KCNIP4: variants seen among roughly 807,000 people sequenced by gnomAD.
KCNIP4 encodes Kv channel-interacting protein 4.
KCNIP4 carries 12 observed loss-of-function variants against 34.0 expected under a neutral mutation model. The ratio of observed to expected loss-of-function variants is 0.35; its 90% CI spans 0.23 to 0.57. The LOEUF is 0.57. KCNIP4 is among the 20% of genes least tolerant of loss of function. The probability of loss-of-function intolerance (pLI) is 0.83; values close to 1 mark genes in which losing one functional copy is unlikely to be tolerated. For missense variants in KCNIP4, 238 were observed against 311.7 expected (o/e 0.76, Z 1.78); for synonymous variants, 124 against 102.2 (o/e 1.21, Z -1.29).
chr4:20,944,808 C>T (rs900431707), intron 1 of KCNIP4, among the ~76,000 whole-genome samples: 5 of 152,202 alleles, frequency 3.3e-5, no homozygotes, highest in Non-Finnish European at 7.3e-5. Flanking sequence ...TATTCACTAA[C>T]TCATATGTAA....
At chr4:21,751,823 A>G (rs1717170010) in intron 1 of KCNIP4, among the ~76,000 whole-genome samples, 1 of 152,182 alleles carries the variant, frequency 6.6e-6, no homozygotes, top group African/African-American at 2.4e-5. Context: ...GAGGATGAGT[A>G]TTAAAACAAC....
intron 1 of KCNIP4, among the ~76,000 whole-genome samples, chr4:21,354,499 T>C (rs1374249414): frequency 6.6e-6 from 1 of 152,170 alleles, no homozygotes; most frequent in Non-Finnish European, 1.5e-5. Context: ...GTTGTAATCC[T>C]AGTCTCTGAT....
At chr4:20,817,661 A>G (rs531444845) in intron 3 of KCNIP4, among the ~76,000 whole-genome samples, 5 of 147,910 alleles carry the variant, frequency 3.4e-5, no homozygotes, top group Non-Finnish European at 1.5e-5. Context: ...CTTGATTACA[A>G]GCTCTTTGAG....
rs190672283 is a variant in KCNIP4 at position 21,651,056 on chromosome 4, G to A, written c.61+297515C>T. On this transcript the variant is annotated intron_variant, in intron 1 of 8. Coordinates refer to ENST00000382152, the MANE Select transcript of KCNIP4 (RefSeq NM_025221.6). ...ACCATAAAGAGCCTTGCCCTTTTAA[G>A]GGCTAGCTTGTGTAGATCAGGCCCA... Among the ~76,000 whole-genome samples, 6 of 152,210 alleles carry A rather than the reference G, an allele frequency of 3.9e-5. No individual in the cohort carries two copies. The East Asian group carries it at 1.2e-3, about 29-fold the overall frequency.
At chr4:21,482,945 A>T (rs1378633734) in intron 1 of KCNIP4, among the ~76,000 whole-genome samples, 1 of 152,048 alleles carries the variant, frequency 6.6e-6, no homozygotes, top group Admixed American at 6.6e-5. Flanking sequence ...TTGTAGGGAC[A>T]TGGATGAAGC....
intron 1 of KCNIP4, among the ~76,000 whole-genome samples, chr4:21,355,047 G>A (rs1445786837): frequency 2.6e-5 from 4 of 151,924 alleles, no homozygotes; most frequent in East Asian, 1.9e-4. Context: ...CCTGAATGAC[G>A]ACTACTGGGT....
chr4:21,681,431 A>G (rs1321805965), intron 1 of KCNIP4, among the ~76,000 whole-genome samples: 4 of 152,148 alleles, frequency 2.6e-5, no homozygotes, highest in Admixed American at 2.6e-4. Context: ...CTACACTGAA[A>G]ATTTGGTTTT....
chr4:21,027,362 T>C (rs955949929), intron 1 of KCNIP4, among the ~76,000 whole-genome samples: 3 of 152,062 alleles, frequency 2.0e-5, no homozygotes, highest in African/African-American at 7.2e-5. Context: ...CTTACTCTCT[T>C]GGGCTTTAAG....
At chr4:21,761,302 A>G (rs1193465013) in intron 1 of KCNIP4, among the ~76,000 whole-genome samples, 1 of 152,108 alleles carries the variant, frequency 6.6e-6, no homozygotes, top group Non-Finnish European at 1.5e-5. Flanking sequence ...GGTGGTTACT[A>G]AGGTGTGATA....
intron 1 of KCNIP4, among the ~76,000 whole-genome samples, chr4:20,901,070 T>C (rs1727106218): frequency 6.6e-6 from 1 of 152,188 alleles, no homozygotes; most frequent in Admixed American, 6.5e-5. Context: ...TATGTAGGCT[T>C]TGAGACATTG....
At chr4:20,756,591 C>T (rs755994762) in intron 4 of KCNIP4, among the ~76,000 whole-genome samples, 4 of 151,860 alleles carry the variant, frequency 2.6e-5, no homozygotes, top group South Asian at 2.1e-4. Flanking sequence ...TATTGGTTGT[C>T]GCTGTTTTCT....
At chr4:20,824,349 G>A (rs1380220546) in intron 3 of KCNIP4, among the ~76,000 whole-genome samples, 2 of 152,108 alleles carry the variant, frequency 1.3e-5, no homozygotes, top group African/African-American at 4.8e-5. Flanking sequence ...ACAAAAATTA[G>A]CCTGGTTTAG....
intron 1 of KCNIP4, among the ~76,000 whole-genome samples, chr4:21,482,353 TATG>T (rs1431166201): frequency 6.6e-5 from 10 of 152,188 alleles, no homozygotes; most frequent in Non-Finnish European, 1.2e-4. Flanking sequence ...ATCCTGTCAT[TATG>T]ATATTAGCAG....
intron 1 of KCNIP4, among the ~76,000 whole-genome samples, chr4:21,496,158 A>C (rs187484120): frequency 6.6e-6 from 1 of 152,346 alleles, no homozygotes; most frequent in Admixed American, 6.5e-5. Flanking sequence ...TTTGGATTCC[A>C]TTCCAAATGG....
chr4:20,963,723 G>A lies in KCNIP4; in HGVS notation c.62-81014C>T, dbSNP rs116006315. ...AGAGGGCACTAGACATGATTTTAAG[G>A]ATAACTGAGCTCAGATGGATGCAGG... On this transcript the variant is annotated intron_variant, in intron 1 of 8. Transcript: ENST00000382152. 2.8e-3 allele frequency among the ~76,000 whole-genome samples: 424 copies of A among 152,194 alleles called. 2 individuals carry two copies. The highest frequency in any genetic ancestry group is 0.01 in the Middle Eastern group (3 of 294).
At chr4:20,951,735 A>G (rs972155536) in intron 1 of KCNIP4, among the ~76,000 whole-genome samples, 1 of 152,166 alleles carries the variant, frequency 6.6e-6, no homozygotes, top group Non-Finnish European at 1.5e-5. Flanking sequence ...TGAGTTAATG[A>G]ATTTACTTTT....
At chr4:21,807,226 C>A (rs1721350849) in intron 1 of KCNIP4, among the ~76,000 whole-genome samples, 1 of 152,202 alleles carries the variant, frequency 6.6e-6, no homozygotes, top group South Asian at 2.1e-4. Flanking sequence ...TAAATACAGA[C>A]AAAGCTTCGC....
At chr4:21,252,208 A>G (rs1262520928) in intron 1 of KCNIP4, among the ~76,000 whole-genome samples, 1 of 150,340 alleles carries the variant, frequency 6.7e-6, no homozygotes, top group Non-Finnish European at 1.5e-5. Context: ...GCTCACTGCA[A>G]TCTCCGCCTC....
chr4:20,764,132 A>T (rs1244984105), intron 3 of KCNIP4, among the ~76,000 whole-genome samples: 1 of 152,154 alleles, frequency 6.6e-6, no homozygotes, highest in Non-Finnish European at 1.5e-5. Context: ...CTATTTTCTA[A>T]TGAAATTTTG....
Sources: gnomAD v4.1 joint callset for allele counts (sites outside exome capture counted in the v4.1 genomes callset) on GRCh38, gnomAD v4.1.1 for gene constraint, MANE v1.5 for transcripts, NCBI Gene and HGNC (gene_info 2026-07-23, HGNC 2026-07-21) for gene names.